Variants in TGFBR3 observed in about 807,000 individuals in gnomAD.
The protein encoded by TGFBR3 is transforming growth factor beta receptor 3, also known as transforming growth factor beta receptor type 3.
In TGFBR3, 46 loss-of-function variants were observed where a neutral mutation model predicts 87.9. That is an observed-to-expected ratio of 0.52 (90% CI 0.41 to 0.67). TGFBR3 has a LOEUF of 0.67. Ranked by LOEUF, TGFBR3 falls within the 30% of genes least tolerant of loss-of-function variation. The pLI is 0.00. For missense variants in TGFBR3, 866 were observed against 1,041.9 expected, an observed-to-expected ratio of 0.83 and a Z score of 2.32; for synonymous variants, 381 against 391.6, an observed-to-expected ratio of 0.97 and a Z score of 0.32.
chr1:91,712,291 C>G lies in TGFBR3; in HGVS notation c.2118G>C (p.Glu706Asp), dbSNP rs1405611654. ...FNTSLLFLQCELTLCTKMEKH... is the reference protein window; with the variant it reads ...FNTSLLFLQCDLTLCTKMEKH... ...TCTCCATCTTCGTACACAGCGTCAG[C>G]TCACACTGTAGAAAGAGCAGTGAGG... The change falls in exon 13 of 17, where the codon GAG (glutamate) becomes GAC (aspartate). Residue 706 changes from glutamate (E) to aspartate (D), a missense_variant. Transcript: ENST00000212355. The G allele has an allele frequency of 6.2e-7, 1 of 1,614,224 alleles. No homozygotes were observed. Among genetic ancestry groups the G allele is most frequent in the East Asian group, 2.2e-5 (1 of 44,864 alleles).
chr1:91,731,347 C>A (rs371210037), intron 5 of TGFBR3, among the ~76,000 whole-genome samples: 132 of 152,266 alleles, frequency 8.7e-4, no homozygotes, highest in African/African-American at 3.1e-3. Context: ...ACCACAGCAC[C>A]CCCAGCACCA....
chr1:91,873,402 C>T (rs138462130), intron 1 of TGFBR3, among the ~76,000 whole-genome samples: 1,532 of 150,976 alleles, frequency 0.01, 16 homozygotes, highest in Middle Eastern at 0.021. Context: ...CCTGCCTCTG[C>T]CTCCCAAGTA....
At chr1:91,712,607 G>C in intron 12 of TGFBR3, 65 bp from the exon 13 acceptor site, 4 of 1,510,344 alleles carry the variant, frequency 2.6e-6, no homozygotes, top group Non-Finnish European at 3.7e-6. Flanking sequence ...TTAGGCACAA[G>C]GACCATATGC....
intron 16 of TGFBR3, among the ~76,000 whole-genome samples, chr1:91,693,150 T>C (rs1257020034): frequency 6.6e-6 from 1 of 152,138 alleles, no homozygotes; most frequent in Non-Finnish European, 1.5e-5. Flanking sequence ...CTGAAGTGAG[T>C]CTTCTTCATG....
Position 91,735,039 on chromosome 1 carries a change from C to A in TGFBR3, c.385-80G>T. The A allele has an allele frequency of 2.6e-6, 4 of 1,527,412 alleles. No individual in the cohort carries two copies. In the South Asian group the frequency reaches 3.4e-5, roughly 13 times the overall value. 94.6% of individuals were successfully genotyped at this position (1,527,412 alleles called of 1,614,324 possible). On this transcript the variant is annotated intron_variant, in intron 4 of 16. Coordinates refer to ENST00000212355, the MANE Select transcript of TGFBR3 (RefSeq NM_003243.5). Reference sequence around the variant, plus strand: ...TAATTAGAGAAAGTACTTCTCAAATCGAAGTGCTTGTAAATCGAACCTCTT... The same window carrying A: ...TAATTAGAGAAAGTACTTCTCAAATAGAAGTGCTTGTAAATCGAACCTCTT...
At chr1:91,706,010 G>A (rs1462361876) in intron 14 of TGFBR3, among the ~76,000 whole-genome samples, 2 of 152,218 alleles carry the variant, frequency 1.3e-5, no homozygotes, top group African/African-American at 4.8e-5. Flanking sequence ...ATGAATTGCT[G>A]GAAGTTATAC....
chr1:91,805,769 T>C (rs1675806005), intron 2 of TGFBR3, among the ~76,000 whole-genome samples: 7 of 152,236 alleles, frequency 4.6e-5, no homozygotes, highest in Admixed American at 4.6e-4. Flanking sequence ...CCACACATCT[T>C]GTACATGTTT....
chr1:91,904,288 AT>A (rs1285182606), intron 1 of TGFBR3, among the ~76,000 whole-genome samples: 14,864 of 126,058 alleles, frequency 0.12, 991 homozygotes, highest in African/African-American at 0.22. Context: ...CAGGGCTTGG[AT>A]TTTTTTTTTT....
chr1:91,742,902 T>G (rs931741013), intron 4 of TGFBR3, among the ~76,000 whole-genome samples: 4 of 152,200 alleles, frequency 2.6e-5, no homozygotes, highest in African/African-American at 4.8e-5. Context: ...CTGGGAGTTT[T>G]ATTATAAGAA....
intron 2 of TGFBR3, among the ~76,000 whole-genome samples, chr1:91,826,192 G>A (rs984214057): frequency 6.6e-6 from 1 of 152,098 alleles, no homozygotes; most frequent in African/African-American, 2.4e-5. Flanking sequence ...AGTCAGGATA[G>A]AGAGACAGGT....
chr1:91,873,875 G>A (rs994728456), intron 1 of TGFBR3, among the ~76,000 whole-genome samples: 46 of 152,070 alleles, frequency 3.0e-4, no homozygotes, highest in African/African-American at 1.0e-3. Context: ...GCTTGAACCC[G>A]GGAGGCAGAG....
intron 15 of TGFBR3, 122 bp from the exon 16 acceptor site, chr1:91,695,901 A>T (rs1671421970): frequency 1.2e-6 from 1 of 838,788 alleles, no homozygotes; most frequent in Admixed American, 2.0e-5. Context: ...CGGAGAATGC[A>T]ATGAAGATTC....
At chr1:91,762,214 G>C (rs904563352) in intron 3 of TGFBR3, among the ~76,000 whole-genome samples, 2 of 152,158 alleles carry the variant, frequency 1.3e-5, no homozygotes, top group African/African-American at 2.4e-5. Context: ...GAACATTTGA[G>C]AACTGAATGC....
At chr1:91,896,506 G>T (rs1570346525) in intron 2 of TGFBR3, among the ~76,000 whole-genome samples, 1 of 152,158 alleles carries the variant, frequency 6.6e-6, no homozygotes, top group South Asian at 2.1e-4. Context: ...AGTATGTGGT[G>T]TAAACGGCAT....
At chr1:91,894,075 C>T (rs1354915334) in intron 2 of TGFBR3, among the ~76,000 whole-genome samples, 1 of 152,142 alleles carries the variant, frequency 6.6e-6, no homozygotes, top group Non-Finnish European at 1.5e-5. Context: ...TCTTTGAACT[C>T]AGCAGATGAC....
At chr1:91,747,221 C>T (rs1557689758) in intron 4 of TGFBR3, among the ~76,000 whole-genome samples, 1 of 152,214 alleles carries the variant, frequency 6.6e-6, no homozygotes, top group African/African-American at 2.4e-5. Context: ...GGTCATCTCC[C>T]GTTGGTGAGG....
intron 2 of TGFBR3, among the ~76,000 whole-genome samples, chr1:91,858,415 G>A (rs760125620): frequency 6.6e-6 from 1 of 151,806 alleles, no homozygotes; most frequent in Non-Finnish European, 1.5e-5. Flanking sequence ...AGGAGTTCAC[G>A]ACCAGCCTGG....
At chr1:91,820,774 G>A (rs142881070) in intron 2 of TGFBR3, among the ~76,000 whole-genome samples, 17 of 152,318 alleles carry the variant, frequency 1.1e-4, no homozygotes, top group African/African-American at 4.1e-4. Context: ...TATTTGTACA[G>A]ACAGAAATAT....
chr1:91,839,564 G>A (rs758249469), intron 2 of TGFBR3, among the ~76,000 whole-genome samples: 3 of 152,188 alleles, frequency 2.0e-5, no homozygotes, highest in African/African-American at 7.2e-5. Flanking sequence ...ACATATCCTC[G>A]ATTTGATGCC....
Sources: gnomAD v4.1 joint callset for allele counts (sites outside exome capture counted in the v4.1 genomes callset) on GRCh38, gnomAD v4.1.1 for gene constraint, MANE v1.5 for transcripts, NCBI Gene and HGNC (gene_info 2026-07-23, HGNC 2026-07-21) for gene names.